The following CSDE1 variants were observed in gnomAD, a reference collection of about 807,000 sequenced individuals.
CSDE1 encodes the protein cold shock domain-containing protein E1.
Under a neutral mutation model 89.3 loss-of-function variants are expected in CSDE1, and 17 were observed. That is an observed-to-expected ratio of 0.19 (90% CI 0.13 to 0.29). CSDE1 has a LOEUF of 0.29. Among genes scored for constraint, CSDE1 ranks in the 10% least tolerant of loss-of-function variants. The probability of loss-of-function intolerance (pLI) is 1.00; values close to 1 mark genes in which losing one functional copy is unlikely to be tolerated. For synonymous variants in CSDE1, 322 were observed against 332.8 expected (o/e 0.97, Z 0.35); for missense variants, 672 against 984.2 (o/e 0.68, Z 4.24).
At chr1:114,747,556 T>C (rs528018167) in intron 2 of CSDE1, among the ~76,000 whole-genome samples, 6 of 152,184 alleles carry the variant, frequency 3.9e-5, no homozygotes, top group South Asian at 4.1e-4. Flanking sequence ...GTCAATGAAA[T>C]GAAAGCCTTA....
chr1:114,754,633 C>CA (rs1347590660), intron 1 of CSDE1, among the ~76,000 whole-genome samples: 1 of 152,198 alleles, frequency 6.6e-6, no homozygotes, highest in Non-Finnish European at 1.5e-5. Flanking sequence ...TTGAGCACCA[C>CA]ATTTTATAAC....
intron 13 of CSDE1, 33 bp downstream of exon 13, chr1:114,726,950 T>G: frequency 7.0e-7 from 1 of 1,421,296 alleles, no homozygotes; most frequent in Non-Finnish European, 9.9e-7. Context: ...TGACAACTCT[T>G]AACCCTCTCT....
intron 1 of CSDE1, among the ~76,000 whole-genome samples, chr1:114,755,407 T>A (rs952736534): frequency 6.6e-6 from 1 of 152,242 alleles, no homozygotes; most frequent in Non-Finnish European, 1.5e-5. Context: ...GTACCGGCTG[T>A]AGCTGCAAAT....
chr1:114,732,861 T>C, intron 9 of CSDE1, 45 bp from the exon 10 acceptor site: 1 of 1,489,120 alleles, frequency 6.7e-7, no homozygotes, highest in Non-Finnish European at 9.4e-7. Context: ...TTCTCATCCT[T>C]CCTAGTTCTA....
intron 17 of CSDE1, 45 bp from the exon 18 acceptor site, chr1:114,719,787 C>G (rs1249865589): frequency 1.3e-6 from 2 of 1,565,648 alleles, no homozygotes; most frequent in Non-Finnish European, 1.7e-6. Flanking sequence ...TGCCACACCT[C>G]ACTCTGAATG....
At chr1:114,730,941 C>G (rs1660064278) in intron 10 of CSDE1, among the ~76,000 whole-genome samples, 1 of 152,130 alleles carries the variant, frequency 6.6e-6, no homozygotes, top group Non-Finnish European at 1.5e-5. Context: ...CATAAAAGCC[C>G]AAGTCTAATG....
At position 114,734,477 on chromosome 1, in the gene CSDE1, G is replaced by T. The variant is rs1285542137; in HGVS notation, c.547C>A (p.Gln183Lys). 11 of 1,612,720 alleles carry T rather than the reference G, an allele frequency of 6.8e-6. No homozygotes were observed. The highest frequency in any genetic ancestry group is 9.3e-6 in the Non-Finnish European group (11 of 1,179,646). The change falls in exon 7 of 20, where the codon CAA (glutamine) becomes AAA (lysine). Residue 183 changes from glutamine to lysine, a missense_variant. Physicochemically the swap from Gln to Lys is moderately conservative, Grantham distance 53. Transcript: ENST00000358528. ...ARNIMLLKKK[Q>K]ARCQGVVCAM... ...CAAACTACTCCCTGACAGCGGGCTT[G>T]TTTCTTTTTCAACAGCATAATGTTG...
At chr1:114,724,546 A>G (rs1020455354) in intron 15 of CSDE1, among the ~76,000 whole-genome samples, 1 of 152,228 alleles carries the variant, frequency 6.6e-6, no homozygotes, top group African/African-American at 2.4e-5. Flanking sequence ...TTAAGAGTTC[A>G]GATGAGAGCC....
At chr1:114,734,186 C>T (rs1342604034) in intron 7 of CSDE1, 69 bp from the exon 8 acceptor site, 1 of 1,527,320 alleles carries the variant, frequency 6.5e-7, no homozygotes, top group Non-Finnish European at 8.8e-7. Context: ...AACTTAAAAC[C>T]AGTAATTTTT....
intron 17 of CSDE1, chr1:114,720,305 C>T: frequency 2.4e-6 from 1 of 415,018 alleles, no homozygotes; most frequent in Non-Finnish European, 4.3e-6. Context: ...ACTTATTTTC[C>T]CCATTGCATA....
At chr1:114,752,215 G>A (rs1334461995) in intron 1 of CSDE1, among the ~76,000 whole-genome samples, 1 of 152,002 alleles carries the variant, frequency 6.6e-6, no homozygotes, top group Non-Finnish European at 1.5e-5. Flanking sequence ...CTACAGCCTG[G>A]GAGACAGATC....
At chr1:114,726,509 C>CG in intron 13 of CSDE1, 123 bp from the exon 14 acceptor site, 1 of 719,304 alleles carries the variant, frequency 1.4e-6, no homozygotes. Flanking sequence ...TTTGTTATTA[C>CG]TTCAATGAAA....
intron 3 of CSDE1, among the ~76,000 whole-genome samples, chr1:114,738,347 C>A (rs2101052934): frequency 6.6e-6 from 1 of 152,290 alleles, no homozygotes; most frequent in East Asian, 1.9e-4. Flanking sequence ...TGTTTCAGAA[C>A]CACCATCTTA....
At chr1:114,728,973 G>GT (rs1659951863) in intron 12 of CSDE1, among the ~76,000 whole-genome samples, 1 of 152,130 alleles carries the variant, frequency 6.6e-6, no homozygotes, top group South Asian at 2.1e-4. Flanking sequence ...TAATTTCATA[G>GT]TAATCCTTTT....
At chr1:114,744,482 G>A (rs774148711) in intron 2 of CSDE1, among the ~76,000 whole-genome samples, 1 of 152,014 alleles carries the variant, frequency 6.6e-6, no homozygotes, top group Non-Finnish European at 1.5e-5. Context: ...AAGAGGCTGG[G>A]GTGGGAGGTT....
chr1:114,730,151 T>C (rs898248129), intron 12 of CSDE1, 107 bp downstream of exon 12: 2 of 1,291,902 alleles, frequency 1.5e-6, no homozygotes, highest in Middle Eastern at 2.1e-4. Context: ...ACAGAAATTC[T>C]GAAAGAGACA....
rs761965345 is a variant in CSDE1 at position 114,732,621 on chromosome 1, T to C, written c.1033A>G (p.Asn345Asp). 6.2e-7 allele frequency: 1 copy of C among 1,614,156 alleles called. No homozygotes were observed. The highest frequency in any genetic ancestry group is 1.1e-5 in the South Asian group (1 of 91,084). Residue 345 changes from asparagine to aspartate, a missense_variant, in exon 10 of 20, where the codon AAT becomes GAT. Asn to Asp is a conservative substitution (Grantham distance 23). Coordinates refer to ENST00000358528, the MANE Select transcript of CSDE1 (RefSeq NM_001007553.3). ...EVLSNTFQFTNEAREMGVIAA... is the reference protein window; with the variant it reads ...EVLSNTFQFTDEAREMGVIAA... ...ACACTTACCATTTCTCGGGCTTCAT[T>C]AGTGAACTGAAATGTATTTGACAGA... is the stretch of plus-strand genomic sequence containing the variant.
chr1:114,733,605 CAA>C (rs1404332177), intron 9 of CSDE1, 125 bp downstream of exon 9: 3 of 606,984 alleles, frequency 4.9e-6, no homozygotes, highest in East Asian at 6.8e-5. Flanking sequence ...ATATACGTAA[CAA>C]GAGGTCCTTA....
chr1:114,728,569 C>CAA (rs1659926152), intron 12 of CSDE1, among the ~76,000 whole-genome samples: 1 of 152,054 alleles, frequency 6.6e-6, no homozygotes, highest in Non-Finnish European at 1.5e-5. Context: ...AAGTCTCACA[C>CAA]AAAGGCTCTC....
Sources: gnomAD v4.1 joint callset for allele counts (sites outside exome capture counted in the v4.1 genomes callset) on GRCh38, gnomAD v4.1.1 for gene constraint, MANE v1.5 for transcripts, NCBI Gene and HGNC (gene_info 2026-07-23, HGNC 2026-07-21) for gene names.